ANKS1B: variants seen among roughly 807,000 people sequenced by gnomAD.
ANKS1B encodes ankyrin repeat and sterile alpha motif domain containing 1B.
A neutral mutation model predicts 148.3 loss-of-function variants in ANKS1B; 36 were observed. That is an observed-to-expected ratio of 0.24 (90% confidence interval 0.19 to 0.32). The LOEUF (loss-of-function observed/expected upper bound fraction) is 0.32, where lower values mean the gene tolerates loss of function less well. Among genes scored for constraint, ANKS1B ranks in the 10% least tolerant of loss-of-function variants. The pLI is 1.00. For missense variants in ANKS1B, 1,157 were observed against 1,542.6 expected (o/e 0.75, Z 4.19); for synonymous variants, 542 against 560.8 (o/e 0.97, Z 0.47).
At chr12:99,231,463 C>T (rs973468189) in intron 14 of ANKS1B, among the ~76,000 whole-genome samples, 2 of 152,188 alleles carry the variant, frequency 1.3e-5, no homozygotes, top group Admixed American at 1.3e-4. Flanking sequence ...CAACAAGCTA[C>T]TTATTCTTCT....
intron 9 of ANKS1B, among the ~76,000 whole-genome samples, chr12:99,607,615 CT>C (rs1386802048): frequency 7.2e-5 from 11 of 152,190 alleles, no homozygotes; most frequent in Admixed American, 2.0e-4. Context: ...TAATTCAAGA[CT>C]CACTAGCTGG....
At chr12:99,477,034 T>C (rs2096335562) in intron 10 of ANKS1B, among the ~76,000 whole-genome samples, 1 of 152,160 alleles carries the variant, frequency 6.6e-6, no homozygotes. Context: ...GAACACAAAG[T>C]GCTCCATCAA....
At chr12:99,742,040 G>A (rs892288851) in intron 8 of ANKS1B, among the ~76,000 whole-genome samples, 3 of 151,930 alleles carry the variant, frequency 2.0e-5, no homozygotes, top group African/African-American at 7.3e-5. Context: ...TTATAAGTGG[G>A]AACTAAGTGA....
At chr12:99,030,367 T>G (rs896172807) in intron 17 of ANKS1B, among the ~76,000 whole-genome samples, 5 of 152,168 alleles carry the variant, frequency 3.3e-5, no homozygotes, top group African/African-American at 1.2e-4. Context: ...TGGATCTTTG[T>G]AGTTACACAT....
At chr12:99,327,709 G>A (rs2086753814) in intron 12 of ANKS1B, among the ~76,000 whole-genome samples, 1 of 149,924 alleles carries the variant, frequency 6.7e-6, no homozygotes. Flanking sequence ...TTTTCCAAAA[G>A]TTGTATATAT....
At chr12:98,871,312 G>T (rs1042897164) in intron 17 of ANKS1B, among the ~76,000 whole-genome samples, 4 of 152,070 alleles carry the variant, frequency 2.6e-5, no homozygotes, top group Non-Finnish European at 4.4e-5. Flanking sequence ...ATATTTAAAA[G>T]TAAATTCTGA....
intron 14 of ANKS1B, among the ~76,000 whole-genome samples, chr12:99,167,711 G>T (rs1054629013): frequency 1.3e-5 from 2 of 152,084 alleles, no homozygotes; most frequent in African/African-American, 2.4e-5. Flanking sequence ...TTACCCAAAA[G>T]AAATAAAAAC....
intron 17 of ANKS1B, among the ~76,000 whole-genome samples, chr12:98,905,587 T>G (rs764488315): frequency 6.6e-6 from 1 of 151,940 alleles, no homozygotes. Context: ...CTGGACAACA[T>G]AGCGAGACCC....
intron 12 of ANKS1B, among the ~76,000 whole-genome samples, chr12:99,359,114 T>G (rs2092282021): frequency 6.6e-6 from 1 of 152,144 alleles, no homozygotes; most frequent in Non-Finnish European, 1.5e-5. Flanking sequence ...TTAAATATAT[T>G]TCATCCATTT....
chr12:99,351,710 T>C (rs2091443166), intron 12 of ANKS1B, among the ~76,000 whole-genome samples: 3 of 152,080 alleles, frequency 2.0e-5, no homozygotes, highest in Admixed American at 2.0e-4. Flanking sequence ...GGTGGCTTTA[T>C]ATTTATAGTT....
chr12:99,340,245 T>C lies in ANKS1B; in HGVS notation c.1756+59386A>G, dbSNP rs554969288. On this transcript the variant is annotated intron_variant, in intron 12 of 26. Coordinates refer to ENST00000683438, the MANE Select transcript of ANKS1B (RefSeq NM_001352186.2). ...TTTCACTTGGCTCTGATGATCAAAA[T>C]TTATTTCATTTTACAGAGAGCTGCT... 2.0e-5 allele frequency among the ~76,000 whole-genome samples: 3 copies of C among 152,222 alleles called. No individual in the cohort carries two copies. The East Asian group carries it at 5.8e-4, about 29-fold the overall frequency.
At chr12:99,121,075 C>G (rs1229790470) in intron 15 of ANKS1B, among the ~76,000 whole-genome samples, 1 of 151,734 alleles carries the variant, frequency 6.6e-6, no homozygotes, top group African/African-American at 2.4e-5. Flanking sequence ...ACCCTATATG[C>G]CAGCCTCCAA....
chr12:99,433,604 G>T (rs1338403891), intron 11 of ANKS1B, among the ~76,000 whole-genome samples: 1 of 152,120 alleles, frequency 6.6e-6, no homozygotes, highest in Non-Finnish European at 1.5e-5. Context: ...AGCCTGAGCT[G>T]CTATTAACTG....
At chr12:99,442,032 C>T (rs949448977) in intron 11 of ANKS1B, among the ~76,000 whole-genome samples, 5 of 151,876 alleles carry the variant, frequency 3.3e-5, no homozygotes, top group Admixed American at 6.6e-5. Flanking sequence ...CAATGTCTTA[C>T]TTAAATAGCT....
Position 99,246,482 on chromosome 12 carries a change from G to C in ANKS1B, c.2139C>G (p.Ala713=). The part of the protein sequence containing the change: ...VMNAGGFVER[A]CTLGRIRSLP... ...ATGACCTTATTCTCCCCAGAGTACA[G>C]GCTCTCTCCACAAATCCCCCTGCGT... The change falls in exon 13 of 27, where the codon GCC becomes GCG. Residue 713 remains alanine (A), a synonymous_variant. Transcript: ENST00000683438. 6.2e-7 allele frequency: 1 copy of C among 1,613,810 alleles called. No homozygotes were observed. The highest frequency in any genetic ancestry group is 8.5e-7 in the Non-Finnish European group (1 of 1,179,844).
intron 9 of ANKS1B, among the ~76,000 whole-genome samples, chr12:99,637,463 G>T (rs896360593): frequency 6.6e-6 from 1 of 152,148 alleles, no homozygotes; most frequent in Non-Finnish European, 1.5e-5. Context: ...TTGATCCTGG[G>T]TGTGTCTGTG....
chr12:99,731,413 CGTGTGTGTGTGT>C (rs71088145), intron 8 of ANKS1B, among the ~76,000 whole-genome samples: 48 of 143,836 alleles, frequency 3.3e-4, no homozygotes, highest in African/African-American at 6.5e-4. Context: ...ACCACCGTGC[CGTGTGTGTGTGT>C]GTGTGTGTGT....
chr12:99,975,660 T>C (rs1444601726), intron 1 of ANKS1B, among the ~76,000 whole-genome samples: 2 of 152,218 alleles, frequency 1.3e-5, no homozygotes, highest in South Asian at 4.1e-4. Context: ...CATTTTTTAA[T>C]AGAGTTACTT....
intron 9 of ANKS1B, among the ~76,000 whole-genome samples, chr12:99,526,272 C>T (rs1486936486): frequency 3.3e-5 from 5 of 152,126 alleles, no homozygotes; most frequent in African/African-American, 9.7e-5. Context: ...TACAGGAGAT[C>T]GTTAGAAAGC....
Sources: allele counts gnomAD v4.1 joint callset (sites outside exome capture counted in the v4.1 genomes callset), GRCh38; gene constraint gnomAD v4.1.1; transcripts MANE v1.5; gene names NCBI Gene and HGNC (gene_info 2026-07-23, HGNC 2026-07-21).